CCDC106: variants seen among roughly 807,000 people sequenced by gnomAD.
CCDC106 encodes the protein coiled-coil domain containing 106.
In CCDC106, 17 loss-of-function variants were observed where a neutral mutation model predicts 24.7. The observed-to-expected ratio is 0.69, with a 90% CI of 0.47 to 1.03. The LOEUF (loss-of-function observed/expected upper bound fraction) is 1.03, where lower values mean the gene tolerates loss of function less well. CCDC106 is among the 50% of genes least tolerant of loss of function. The pLI is 0.00. For missense variants in CCDC106, 337 were observed against 388.9 expected, an observed-to-expected ratio of 0.87 and a Z score of 1.12; for synonymous variants, 211 against 161.3, an observed-to-expected ratio of 1.31 and a Z score of -2.34.
rs546021270 is a variant in CCDC106, at chr19:55,650,848, G to C, written c.314-435G>C. ...GGCTCCCTCTGTCTAGATGGAGGTG[G>C]GACCCAGCCTGCTGGACCCAGGGCC... On this transcript the variant is annotated intron_variant, in intron 3 of 4. Transcript: ENST00000586790. Among the ~76,000 whole-genome samples, 5 of 152,228 alleles carry C rather than the reference G, an allele frequency of 3.3e-5. No individual in the cohort carries two copies. In the South Asian group the frequency reaches 1.0e-3, roughly 32 times the overall value.
In CCDC106 at chr19:55,653,002, G is replaced by GC. The variant is rs531935321; in HGVS notation, c.*264dup. ...CTCCTGGAAAACCAGGCAGGCGGGT[G>GC]CCCCCCCCTCGAGTGGGGGACTGTA... On this transcript the variant is annotated 3_prime_UTR_variant, in exon 5 of 5. Transcript: ENST00000586790. 0.55 allele frequency: 249,317 copies of GC among 449,828 alleles called. 70,271 individuals are homozygous for GC. Among genetic ancestry groups the GC allele is most frequent in the Admixed American group, 0.64 (16,335 of 25,358 alleles). 27.9% of individuals were successfully genotyped at this position (449,828 alleles called of 1,614,324 possible).
At position 55,652,829 on chromosome 19, in the gene CCDC106, C is replaced by T; in HGVS notation, c.*83C>T. 8.3e-7 allele frequency: 1 copy of T among 1,199,196 alleles called. No individual in the cohort carries two copies. The highest frequency in any genetic ancestry group is 1.2e-6 in the Non-Finnish European group (1 of 861,700). The allele number at this position is 1,199,196 out of a possible 1,614,324, so 74.3% of individuals were successfully genotyped here. A position where few individuals can be genotyped will look rare whatever the true frequency, so the allele number is the denominator to read the frequency against. On this transcript the variant is annotated 3_prime_UTR_variant, in exon 5 of 5. Coordinates refer to ENST00000586790, the MANE Select transcript of CCDC106 (RefSeq NM_001370470.1). This position sits in a 1 kb window ranked among gnomAD's most constrained non-coding sequence, Gnocchi z 5.9. ...TGACCTGCCCCTCTCCCCGCCGCGC[C>T]CCTGCCCCTCCTCCTCGCTCCCTGG...
Position 55,651,339 on chromosome 19 carries a change from G to A in CCDC106, c.370G>A (p.Gly124Arg), listed in dbSNP as rs1568542533. The A allele has an allele frequency of 6.2e-7, 1 of 1,613,408 alleles. No individual in the cohort carries two copies. Among genetic ancestry groups the A allele is most frequent in the Middle Eastern group, 1.7e-4 (1 of 6,028 alleles). The change falls in exon 4 of 5, where the codon GGG (glycine) becomes AGG (arginine). Residue 124 changes from glycine to arginine, a missense_variant. Coordinates refer to ENST00000586790, the MANE Select transcript of CCDC106 (RefSeq NM_001370470.1). ...GCGGATGGAGGGGGACAGCCGTGGT[G>A]GGGCTGGGGGCGAGGCCTCGGACCC... ...PRRMEGDSRG[G>R]AGGEASDPES...
intron 4 of CCDC106, among the ~76,000 whole-genome samples, chr19:55,651,970 G>A (rs962674877): frequency 1.3e-5 from 2 of 152,100 alleles, no homozygotes; most frequent in African/African-American, 4.8e-5. Context: ...CCTGTCCTGG[G>A]TTTACTTTTA....
At chr19:55,651,737 C>G (rs897094730) in intron 4 of CCDC106, among the ~76,000 whole-genome samples, 50 of 151,992 alleles carry the variant, frequency 3.3e-4, no homozygotes, top group African/African-American at 1.2e-3. Context: ...TCTCACCTCA[C>G]TGGAATCTCC....
intron 3 of CCDC106, among the ~76,000 whole-genome samples, chr19:55,650,738 G>C (rs1041305263): frequency 1.3e-5 from 2 of 152,116 alleles, no homozygotes; most frequent in African/African-American, 4.8e-5. Context: ...CTGCGGCTTC[G>C]GCACTTTCCC....
At position 55,653,006 on chromosome 19, in the gene CCDC106, C is replaced by CA; in HGVS notation, c.*260_*261insA. ...TGGAAAACCAGGCAGGCGGGTGCCC[C>CA]CCCCTCGAGTGGGGGACTGTACAGA... On this transcript the variant is annotated 3_prime_UTR_variant, in exon 5 of 5. Coordinates refer to ENST00000586790, the MANE Select transcript of CCDC106 (RefSeq NM_001370470.1). The CA allele has an allele frequency of 4.1e-6, 2 of 492,976 alleles. No homozygotes were observed. Among genetic ancestry groups the CA allele is most frequent in the Non-Finnish European group, 7.3e-6 (2 of 275,620 alleles). 30.5% of individuals were successfully genotyped at this position (492,976 alleles called of 1,614,324 possible).
chr19:55,651,647 C>G, intron 4 of CCDC106, 152 bp downstream of exon 4: 1 of 606,552 alleles, frequency 1.6e-6, no homozygotes, highest in East Asian at 2.9e-5. Flanking sequence ...ACGTGTGGTC[C>G]TGGGTTTACT....
Position 55,649,028 on chromosome 19 carries a change from G to T in CCDC106, c.-19G>T, listed in dbSNP as rs776584380. ...GCCCCTGAGGCCCTCGGCTGCTGGG[G>T]TCCGTAGGAAGCCGCGCCATGAATG... On this transcript the variant is annotated 5_prime_UTR_variant, in exon 1 of 5. Coordinates refer to ENST00000586790, the MANE Select transcript of CCDC106 (RefSeq NM_001370470.1). The T allele has an allele frequency of 5.6e-6, 9 of 1,612,664 alleles. No homozygotes were observed. In the South Asian group the frequency reaches 9.9e-5, roughly 18 times the overall value.
intron 3 of CCDC106, 171 bp downstream of exon 3, chr19:55,649,755 G>C: frequency 3.2e-6 from 2 of 621,460 alleles, no homozygotes; most frequent in Non-Finnish European, 5.6e-6. Context: ...CTCCTCACTT[G>C]ATTCCAGGGC....
At chr19:55,649,123 C>A in intron 1 of CCDC106, 46 bp downstream of exon 1, 1 of 1,612,084 alleles carries the variant, frequency 6.2e-7, no homozygotes, top group South Asian at 1.1e-5. Flanking sequence ...CCAGTGCGGT[C>A]GGCTCCAGGC....
At chr19:55,650,063 C>T (rs903774823) in intron 3 of CCDC106, among the ~76,000 whole-genome samples, 3 of 152,192 alleles carry the variant, frequency 2.0e-5, no homozygotes, top group African/African-American at 7.2e-5. Context: ...TCCCCCCCTC[C>T]CCTCTGTGAC....
intron 3 of CCDC106, 135 bp downstream of exon 3, chr19:55,649,719 T>G: frequency 1.3e-6 from 1 of 796,866 alleles, no homozygotes; most frequent in Non-Finnish European, 2.0e-6. Flanking sequence ...GTCCCCTGCC[T>G]GTTTTGGGCC....
Position 55,651,269 on chromosome 19 carries a change from C to T in CCDC106, c.314-14C>T, listed in dbSNP as rs755598237. On this transcript the variant is annotated splice_polypyrimidine_tract_variant and intron_variant, in intron 3 of 4. Coordinates refer to ENST00000586790, the MANE Select transcript of CCDC106 (RefSeq NM_001370470.1). ...CTGGTCCCTTGGTTCATGTGTGTGT[C>T]TCCATCTCCCCAGAGGACCACTGCC... 5.6e-6 allele frequency: 9 copies of T among 1,595,870 alleles called. No homozygotes were observed. The highest frequency in any genetic ancestry group is 1.3e-5 in the African/African-American group (1 of 74,658).
chr19:55,649,334 C>A, intron 2 of CCDC106, 25 bp downstream of exon 2: 1 of 1,612,102 alleles, frequency 6.2e-7, no homozygotes, highest in Non-Finnish European at 8.5e-7. Context: ...TGTGGAGGGA[C>A]TGGAGTCAGC....
chr19:55,651,480 C>CG lies in CCDC106; in HGVS notation c.514dup (p.Glu172GlyfsTer152). 1 of 1,580,986 alleles carries CG rather than the reference C, an allele frequency of 6.3e-7. No individual in the cohort carries two copies. The highest frequency in any genetic ancestry group is 8.6e-7 in the Non-Finnish European group (1 of 1,164,766). ...GAGGCGCTTTGGGAAGCCCAAGGCC[C>CG]GGGAGAGGCAGCGAGGTGAGTGGGG... On this transcript the variant is annotated frameshift_variant, in exon 4 of 5. Transcript: ENST00000586790. LOFTEE classifies it high-confidence loss of function.
Position 55,648,810 on chromosome 19 carries a change from C to G in CCDC106, c.-237C>G, listed in dbSNP as rs1983037178. On this transcript the variant is annotated 5_prime_UTR_variant, in exon 1 of 5. Transcript: ENST00000586790. ...CCCAGGACCTAGGCGGCTGGGCCCC[C>G]TGCCCCTGACTCCAGGAGCCCAGGA... 3.4e-6 allele frequency: 2 copies of G among 589,370 alleles called. No individual in the cohort carries two copies. The highest frequency in any genetic ancestry group is 1.9e-5 in the African/African-American group (1 of 53,658). The allele number at this position is 589,370 out of a possible 1,614,324, so 36.5% of individuals were successfully genotyped here. A position where few individuals can be genotyped will look rare whatever the true frequency, so the allele number is the denominator to read the frequency against.
chr19:55,652,494 G>C lies in CCDC106; in HGVS notation c.591G>C (p.Lys197Asn), dbSNP rs139347607. ...KKILGTFQKL[K>N]SMSRAFEHHR... Reference sequence around the variant, plus strand: ...TCCTGGGCACCTTCCAGAAGCTCAAGAGCATGTCGCGGGCCTTCGAGCACC... The same window carrying C: ...TCCTGGGCACCTTCCAGAAGCTCAACAGCATGTCGCGGGCCTTCGAGCACC... The change falls in exon 5 of 5, where the codon AAG becomes AAC. Residue 197 changes from lysine (K) to asparagine (N), a missense_variant. Lys to Asn is a moderately conservative substitution (Grantham distance 94). Around this residue, in one of 2 missense-constraint regions of CCDC106, gnomAD observed 103 missense variants for 152.4 expected, o/e 0.68. Transcript: ENST00000586790. This position sits in a 1 kb window ranked among gnomAD's most constrained non-coding sequence, Gnocchi z 5.9. 5.0e-6 allele frequency: 8 copies of C among 1,612,952 alleles called. No homozygotes were observed. The highest frequency in any genetic ancestry group is 2.2e-5 in the East Asian group (1 of 44,834).
Position 55,648,853 on chromosome 19 carries a change from G to A in CCDC106, c.-194G>A. 1 of 653,744 alleles carries A rather than the reference G, an allele frequency of 1.5e-6. No individual in the cohort carries two copies. The highest frequency in any genetic ancestry group is 2.6e-5 in the East Asian group (1 of 38,994). The allele number at this position is 653,744 out of a possible 1,614,324, so 40.5% of individuals were successfully genotyped here. On this transcript the variant is annotated 5_prime_UTR_variant, in exon 1 of 5. Coordinates refer to ENST00000586790, the MANE Select transcript of CCDC106 (RefSeq NM_001370470.1). ...GCCCAGGAGTTTGAAGCCCAGGCGC[G>A]TTTTGCCTCAGTCCTGGGGTCCAGG... is the stretch of plus-strand genomic sequence containing the variant.
Sources: allele counts gnomAD v4.1 joint callset (sites outside exome capture counted in the v4.1 genomes callset), GRCh38; gene constraint gnomAD v4.1.1; regional missense constraint gnomAD v4.1.1; non-coding constraint Gnocchi (gnomAD v3.1); transcripts MANE v1.5; gene names NCBI Gene and HGNC (gene_info 2026-07-23, HGNC 2026-07-21).